Variants in MAST4 observed in about 807,000 individuals in gnomAD.
MAST4 encodes microtubule associated serine/threonine kinase family member 4.
A neutral mutation model predicts 162.7 loss-of-function variants in MAST4; 89 were observed. That is an observed-to-expected ratio of 0.55 (90% CI 0.46 to 0.65). The LOEUF is 0.65. MAST4 is among the 30% of genes least tolerant of loss of function. MAST4 has a pLI of 0.00. For missense variants in MAST4, 3,153 were observed against 3,374.0 expected, an observed-to-expected ratio of 0.93 and a Z score of 1.62; for synonymous variants, 1,479 against 1,361.1, an observed-to-expected ratio of 1.09 and a Z score of -1.91.
intron 1 of MAST4, among the ~76,000 whole-genome samples, chr5:66,671,211 G>A (rs1747590511): frequency 6.6e-6 from 1 of 152,156 alleles, no homozygotes; most frequent in African/African-American, 2.4e-5. Context: ...TAAGAAGTTT[G>A]TCTATTTCTA....
chr5:67,078,646 CTT>C (rs1226075331), intron 5 of MAST4, among the ~76,000 whole-genome samples: 112 of 125,720 alleles, frequency 8.9e-4, no homozygotes, highest in Non-Finnish European at 1.4e-3. Flanking sequence ...ATATTTATAT[CTT>C]TATATATATT....
At chr5:66,856,023 G>T (rs1027325851) in intron 3 of MAST4, among the ~76,000 whole-genome samples, 1 of 152,066 alleles carries the variant, frequency 6.6e-6, no homozygotes, top group Non-Finnish European at 1.5e-5. Flanking sequence ...AATTAGCCAG[G>T]TGTGGTGGTG....
chr5:66,926,753 A>C (rs996888349), intron 4 of MAST4, among the ~76,000 whole-genome samples: 8 of 151,908 alleles, frequency 5.3e-5, no homozygotes, highest in African/African-American at 1.7e-4. Flanking sequence ...TTGCTATATG[A>C]AGGAAAAAAG....
intron 1 of MAST4, among the ~76,000 whole-genome samples, chr5:66,711,101 C>T (rs1473888825): frequency 6.6e-6 from 1 of 152,172 alleles, no homozygotes; most frequent in Non-Finnish European, 1.5e-5. Context: ...CGGGATGTCC[C>T]ATTGTGTCTT....
chr5:67,165,571 G>A lies in MAST4; in HGVS notation c.6392G>A (p.Ser2131Asn), dbSNP rs1773801711. 1 of 1,613,940 alleles carries A rather than the reference G, an allele frequency of 6.2e-7. No homozygotes were observed. Among genetic ancestry groups the A allele is most frequent in the African/African-American group, 1.3e-5 (1 of 75,058 alleles). The stretch of plus-strand genomic sequence containing the variant: ...GAGCAGCCTCTACAAAGGCATCCCA[G>A]CAGCATCCCTCCGCCCCCTCTGACG... ...RKEQPLQRHP[S>N]SIPPPPLTAK... The change falls in exon 29 of 29, where the codon AGC becomes AAC. Residue 2131 changes from serine to asparagine, a missense_variant. Physicochemically the swap from Ser to Asn is conservative, Grantham distance 46 (BLOSUM62 1). Coordinates refer to ENST00000403625, the MANE Select transcript of MAST4 (RefSeq NM_001164664.2).
intron 3 of MAST4, among the ~76,000 whole-genome samples, chr5:66,866,477 A>G (rs1355453218): frequency 6.6e-6 from 1 of 152,192 alleles, no homozygotes; most frequent in Admixed American, 6.5e-5. Context: ...AGGCTTGATA[A>G]TGGTTAAATC....
Position 67,148,850 on chromosome 5 carries a change from A to C in MAST4, c.3095-539A>C, listed in dbSNP as rs77000684. On this transcript the variant is annotated intron_variant, in intron 23 of 28. Transcript: ENST00000403625. Reference sequence around the variant, plus strand: ...TTCTATCAGTTACTTGCCTCAGCCTAGTATGAGGTGTGTTCTAACAGCACA... The same window carrying C: ...TTCTATCAGTTACTTGCCTCAGCCTCGTATGAGGTGTGTTCTAACAGCACA... Among the ~76,000 whole-genome samples, 1,031 of 152,346 alleles carry C rather than the reference A, an allele frequency of 6.8e-3. 13 individuals are homozygous for C. Among genetic ancestry groups the C allele is most frequent in the African/African-American group, 0.023 (956 of 41,582 alleles).
chr5:67,073,313 T>C (rs979936840), intron 5 of MAST4, among the ~76,000 whole-genome samples: 8 of 152,320 alleles, frequency 5.3e-5, no homozygotes, highest in Non-Finnish European at 1.0e-4. Flanking sequence ...TTGATTTCTT[T>C]GGCAGGTCTT....
chr5:67,109,921 G>A (rs148630392), intron 10 of MAST4, among the ~76,000 whole-genome samples, 177 bp from the exon 11 acceptor site: 17 of 152,262 alleles, frequency 1.1e-4, no homozygotes, highest in East Asian at 5.8e-4. Flanking sequence ...AGATATAGGC[G>A]TTTAATAGTG....
intron 3 of MAST4, among the ~76,000 whole-genome samples, chr5:66,886,297 A>G (rs186419097): frequency 6.6e-6 from 1 of 152,168 alleles, no homozygotes; most frequent in East Asian, 1.9e-4. Flanking sequence ...AGCTACTGTT[A>G]TTTTTTTCTG....
intron 1 of MAST4, among the ~76,000 whole-genome samples, chr5:66,725,603 A>G (rs1042211550): frequency 3.9e-5 from 6 of 152,180 alleles, no homozygotes; most frequent in Admixed American, 2.0e-4. Flanking sequence ...AACTTCTTAG[A>G]TGGGCTGCCT....
intron 3 of MAST4, among the ~76,000 whole-genome samples, chr5:66,878,758 A>G (rs1012022611): frequency 3.9e-5 from 6 of 152,182 alleles, no homozygotes; most frequent in Non-Finnish European, 5.9e-5. Context: ...CCTGGCTCCT[A>G]TGGACCTAGG....
chr5:66,905,019 T>A (rs1244405329), intron 4 of MAST4, among the ~76,000 whole-genome samples: 2 of 152,000 alleles, frequency 1.3e-5, no homozygotes, highest in African/African-American at 4.8e-5. Context: ...TAAAGGAATA[T>A]CCAAGGCCGG....
At position 66,932,046 on chromosome 5, in the gene MAST4, C is replaced by T. The variant is rs183151973; in HGVS notation, c.674+32064C>T. Among the ~76,000 whole-genome samples the T allele has an allele frequency of 3.4e-4, 52 of 152,258 alleles. 1 individual carries two copies. The highest frequency in any genetic ancestry group is 8.9e-4 in the African/African-American group (37 of 41,552). On this transcript the variant is annotated intron_variant, in intron 4 of 28. Coordinates refer to ENST00000403625, the MANE Select transcript of MAST4 (RefSeq NM_001164664.2). ...CACACTGACTTCCTCCTTCAGTGAA[C>T]GATCCCTTCTGAATTGCTCTAAATA...
chr5:66,953,825 T>C (rs973794927), intron 4 of MAST4, among the ~76,000 whole-genome samples: 2 of 152,174 alleles, frequency 1.3e-5, no homozygotes, highest in South Asian at 4.1e-4. Context: ...TGGGGCAATA[T>C]CTGTGTGCTA....
chr5:66,662,494 A>G (rs1413416436), intron 1 of MAST4: 3 of 152,218 alleles, frequency 2.0e-5, no homozygotes, highest in Non-Finnish European at 4.4e-5. Flanking sequence ...GTATTGTAAT[A>G]CAGTCAAGGA....
chr5:66,822,284 C>T (rs1240432311), intron 3 of MAST4, among the ~76,000 whole-genome samples: 2 of 152,106 alleles, frequency 1.3e-5, no homozygotes, highest in African/African-American at 4.8e-5. Flanking sequence ...AGCAGCCTTG[C>T]CCTGAGTCAT....
intron 4 of MAST4, among the ~76,000 whole-genome samples, chr5:66,961,947 G>A (rs1746065427): frequency 6.6e-6 from 1 of 152,144 alleles, no homozygotes; most frequent in African/African-American, 2.4e-5. Flanking sequence ...ATCAGAGAAT[G>A]GTCTTAGAAG....
chr5:66,876,158 AC>A (rs905215072), intron 3 of MAST4, among the ~76,000 whole-genome samples: 4 of 152,158 alleles, frequency 2.6e-5, no homozygotes, highest in African/African-American at 7.2e-5. Flanking sequence ...TTTAATTCTT[AC>A]CCCCAGAGTG....
Sources: gnomAD v4.1 joint callset for allele counts (sites outside exome capture counted in the v4.1 genomes callset) on GRCh38, gnomAD v4.1.1 for gene constraint, MANE v1.5 for transcripts, NCBI Gene and HGNC (gene_info 2026-07-23, HGNC 2026-07-21) for gene names.